The following GABRG3 variants were observed in gnomAD, a reference collection of about 807,000 sequenced individuals.
GABRG3 encodes the protein gamma-aminobutyric acid receptor subunit gamma-3.
GABRG3 carries 25 observed loss-of-function variants against 48.8 expected under a neutral mutation model. The observed-to-expected ratio is 0.51, with a 90% CI of 0.37 to 0.72. The LOEUF (loss-of-function observed/expected upper bound fraction) is 0.72. GABRG3 is among the 30% of genes least tolerant of loss of function. The pLI, the probability that GABRG3 is intolerant of heterozygous loss-of-function variation, is 0.00. For synonymous variants in GABRG3, 227 were observed against 217.6 expected (o/e 1.04, Z -0.38); for missense variants, 394 against 577.9 (o/e 0.68, Z 3.26).
intron 3 of GABRG3, among the ~76,000 whole-genome samples, chr15:27,210,699 G>A (rs560409071): frequency 1.3e-5 from 2 of 152,308 alleles, no homozygotes; most frequent in African/African-American, 4.8e-5. Flanking sequence ...TGGAAGTCAA[G>A]TGTCAGCAGG....
intron 5 of GABRG3, among the ~76,000 whole-genome samples, chr15:27,418,038 A>G (rs1361611680): frequency 6.6e-6 from 1 of 152,194 alleles, no homozygotes; most frequent in Non-Finnish European, 1.5e-5. Flanking sequence ...TGTGCCTGAG[A>G]TGCTGTGGAT....
intron 3 of GABRG3, among the ~76,000 whole-genome samples, chr15:27,044,185 C>T (rs944250864): frequency 3.3e-5 from 5 of 152,198 alleles, no homozygotes; most frequent in African/African-American, 7.2e-5. Context: ...GCCCAGCCCT[C>T]GTGTGCTGGG....
At chr15:27,450,104 G>A (rs1245918348) in intron 5 of GABRG3, among the ~76,000 whole-genome samples, 1 of 152,176 alleles carries the variant, frequency 6.6e-6, no homozygotes, top group Non-Finnish European at 1.5e-5. Context: ...CAAGAGCAGA[G>A]CTGTTTTCTG....
At chr15:27,062,450 A>T in intron 3 of GABRG3, among the ~76,000 whole-genome samples, 1 of 138,566 alleles carries the variant, frequency 7.2e-6, no homozygotes, top group African/African-American at 2.5e-5. Flanking sequence ...AAAAAAAAAA[A>T]AAAAAAAATT....
At chr15:27,048,765 A>G (rs1896407242) in intron 3 of GABRG3, among the ~76,000 whole-genome samples, 1 of 152,236 alleles carries the variant, frequency 6.6e-6, no homozygotes, top group African/African-American at 2.4e-5. Flanking sequence ...TGTCACCATC[A>G]TGTGGCTTCT....
At chr15:27,020,560 C>T (rs990549770) in intron 2 of GABRG3, among the ~76,000 whole-genome samples, 18 of 148,548 alleles carry the variant, frequency 1.2e-4, no homozygotes, top group African/African-American at 2.3e-4. Flanking sequence ...TACAGGCGCC[C>T]GCCACCACGC....
intron 5 of GABRG3, among the ~76,000 whole-genome samples, chr15:27,427,234 A>G (rs1888319558): frequency 6.6e-6 from 1 of 152,320 alleles, no homozygotes; most frequent in Non-Finnish European, 1.5e-5. Context: ...GTCCTAATTC[A>G]TCCAAAAGCA....
chr15:27,330,479 C>T (rs989695833), intron 5 of GABRG3, among the ~76,000 whole-genome samples: 2 of 152,226 alleles, frequency 1.3e-5, no homozygotes, highest in East Asian at 1.9e-4. Context: ...ACACCATGCA[C>T]GTGTTCTCAC....
At chr15:27,439,308 G>C (rs1038340507) in intron 5 of GABRG3, among the ~76,000 whole-genome samples, 1 of 152,206 alleles carries the variant, frequency 6.6e-6, no homozygotes, top group East Asian at 1.9e-4. Flanking sequence ...GGACAAAGGA[G>C]AGATGGGTGG....
intron 6 of GABRG3, among the ~76,000 whole-genome samples, chr15:27,514,078 AAC>A (rs1178109019): frequency 1.3e-5 from 2 of 152,224 alleles, no homozygotes; most frequent in Non-Finnish European, 2.9e-5. Context: ...TCAAAATACC[AAC>A]AGTGTTTATG....
Position 27,069,215 on chromosome 15 carries a change from T to TA in GABRG3, c.270+42396dup, listed in dbSNP as rs970001598. On this transcript the variant is annotated intron_variant, in intron 3 of 9. Coordinates refer to ENST00000615808, the MANE Select transcript of GABRG3 (RefSeq NM_033223.5). The stretch of plus-strand genomic sequence containing the variant: ...CTGCTCAGTGCTTCTTAACAATGAG[T>TA]AATACTTCCAGGGTTTTATATTTGT... 2.2e-4 allele frequency among the ~76,000 whole-genome samples: 33 copies of TA among 152,294 alleles called. 1 individual carries two copies. The highest frequency in any genetic ancestry group is 1.7e-3 in the East Asian group (9 of 5,182).
intron 3 of GABRG3, among the ~76,000 whole-genome samples, chr15:27,041,141 A>C (rs1374290487): frequency 2.0e-5 from 3 of 151,804 alleles, no homozygotes; most frequent in Admixed American, 2.0e-4. Context: ...TTATTATAAA[A>C]CTCCTATAAT....
chr15:27,349,626 A>G (rs1255459449), intron 5 of GABRG3, among the ~76,000 whole-genome samples: 1 of 152,214 alleles, frequency 6.6e-6, no homozygotes, highest in Admixed American at 6.5e-5. Flanking sequence ...CTCGCCAAGC[A>G]TCTGCTCTGT....
chr15:27,417,710 C>G (rs1887982988), intron 5 of GABRG3, among the ~76,000 whole-genome samples: 1 of 152,202 alleles, frequency 6.6e-6, no homozygotes, highest in Admixed American at 6.5e-5. Context: ...GCAACAAGAT[C>G]ATCTTGGGTC....
At chr15:27,434,843 G>A (rs929114466) in intron 5 of GABRG3, among the ~76,000 whole-genome samples, 2 of 152,140 alleles carry the variant, frequency 1.3e-5, no homozygotes, top group African/African-American at 4.8e-5. Flanking sequence ...CCTGCATCCT[G>A]CCTTAATAAT....
At chr15:27,000,264 A>G (rs914431058) in intron 2 of GABRG3, among the ~76,000 whole-genome samples, 5 of 152,196 alleles carry the variant, frequency 3.3e-5, no homozygotes, top group African/African-American at 1.2e-4. Context: ...TCCTATAGAT[A>G]TTCTTGAGTA....
intron 3 of GABRG3, among the ~76,000 whole-genome samples, chr15:27,126,930 C>A (rs1263563567): frequency 3.9e-5 from 6 of 152,144 alleles, no homozygotes; most frequent in Non-Finnish European, 7.4e-5. Flanking sequence ...CATTCGGCCT[C>A]AGGGGCAATA....
intron 5 of GABRG3, among the ~76,000 whole-genome samples, chr15:27,332,436 A>G (rs1227852802): frequency 2.0e-5 from 3 of 152,210 alleles, no homozygotes; most frequent in African/African-American, 7.2e-5. Flanking sequence ...TGGGAGGCTG[A>G]GGCAGAAGAA....
At chr15:27,159,246 A>G (rs1898512704) in intron 3 of GABRG3, among the ~76,000 whole-genome samples, 1 of 152,082 alleles carries the variant, frequency 6.6e-6, no homozygotes, top group Non-Finnish European at 1.5e-5. Context: ...CTTTGGAAGT[A>G]CGAGGCAGGT....
Sources: allele counts gnomAD v4.1 joint callset (sites outside exome capture counted in the v4.1 genomes callset), GRCh38; gene constraint gnomAD v4.1.1; transcripts MANE v1.5; gene names NCBI Gene and HGNC (gene_info 2026-07-23, HGNC 2026-07-21).